DIP2C: variants seen among roughly 807,000 people sequenced by gnomAD.
DIP2C encodes the protein DIP2 acetate--CoA ligase C (putative), also known as disco-interacting protein 2 homolog C.
A neutral mutation model predicts 192.4 loss-of-function variants in DIP2C; 33 were observed. The ratio of observed to expected loss-of-function variants is 0.17; its 90% CI spans 0.13 to 0.23. The LOEUF (loss-of-function observed/expected upper bound fraction) is 0.23. DIP2C is among the 10% of genes least tolerant of loss of function. The pLI, the probability that DIP2C is intolerant of heterozygous loss-of-function variation, is 1.00. For synonymous variants in DIP2C, 979 were observed against 864.1 expected, an observed-to-expected ratio of 1.13 and a Z score of -2.33; for missense variants, 1,537 against 2,110.1, an observed-to-expected ratio of 0.73 and a Z score of 5.32.
At chr10:335,275 C>A (rs1240118052) in intron 29 of DIP2C, among the ~76,000 whole-genome samples, 4 of 152,296 alleles carry the variant, frequency 2.6e-5, no homozygotes, top group African/African-American at 9.6e-5. Context: ...TAAAATAATT[C>A]TCTCTCCTTG....
intron 1 of DIP2C, among the ~76,000 whole-genome samples, chr10:634,441 T>TA (rs1854713202): frequency 6.6e-6 from 1 of 152,238 alleles, no homozygotes; most frequent in Admixed American, 6.5e-5. Flanking sequence ...TTCAGGTTGC[T>TA]ATGCTTCCCT....
At chr10:653,407 C>G (rs1856077234) in intron 1 of DIP2C, among the ~76,000 whole-genome samples, 2 of 152,264 alleles carry the variant, frequency 1.3e-5, no homozygotes, top group African/African-American at 4.8e-5. Flanking sequence ...GAGATCACAC[C>G]ACTGCACTCC....
chr10:654,091 G>A (rs144463305), intron 1 of DIP2C, among the ~76,000 whole-genome samples: 92 of 152,314 alleles, frequency 6.0e-4, no homozygotes, highest in East Asian at 2.9e-3. Context: ...GCAGATGCAC[G>A]CACAGGCAGT....
intron 1 of DIP2C, among the ~76,000 whole-genome samples, chr10:573,747 C>G (rs768266701): frequency 1.3e-5 from 2 of 151,904 alleles, no homozygotes; most frequent in Admixed American, 1.3e-4. Flanking sequence ...TTATGTGCTT[C>G]AGAGTCTTGT....
chr10:318,825 G>A (rs1198661931), intron 31 of DIP2C, among the ~76,000 whole-genome samples: 1 of 152,040 alleles, frequency 6.6e-6, no homozygotes, highest in Non-Finnish European at 1.5e-5. Context: ...GAAACTGAGA[G>A]CTCAAGTTAA....
At chr10:469,280 A>ATC (rs966594532) in intron 3 of DIP2C, among the ~76,000 whole-genome samples, 2 of 148,846 alleles carry the variant, frequency 1.3e-5, no homozygotes, top group African/African-American at 5.0e-5. Flanking sequence ...TATTGCTATT[A>ATC]TCTTTTGAGC....
rs922604069 is a variant in DIP2C, at chr10:568,799, C to CAAA, written c.86-82270_86-82269insTTT. ...AAAAAAAAAAAAAAAAAAAAAAAAA[C>CAAA]CTTCACTTGATCTGCAAGATGGCTG... On this transcript the variant is annotated intron_variant, in intron 1 of 36. Transcript: ENST00000280886. Among the ~76,000 whole-genome samples, 28 of 98,826 alleles carry CAAA rather than the reference C, an allele frequency of 2.8e-4. 1 individual carries two copies. Among genetic ancestry groups the CAAA allele is most frequent in the African/African-American group, 1.3e-3 (26 of 20,586 alleles). 64.8% of individuals were successfully genotyped at this position (98,826 alleles called of 152,430 possible).
chr10:287,704 G>A (rs1340461269), intron 33 of DIP2C, among the ~76,000 whole-genome samples: 2 of 148,358 alleles, frequency 1.3e-5, no homozygotes, highest in Admixed American at 6.7e-5. Context: ...TTATTTAGGT[G>A]TTTAAATATC....
intron 10 of DIP2C, among the ~76,000 whole-genome samples, chr10:395,562 ACT>A (rs1021249744): frequency 4.6e-5 from 7 of 152,182 alleles, no homozygotes; most frequent in African/African-American, 1.7e-4. Flanking sequence ...TCCCATGACC[ACT>A]GGTTGGCACA....
intron 1 of DIP2C, among the ~76,000 whole-genome samples, chr10:572,251 C>T (rs192492992): frequency 1.9e-4 from 29 of 152,360 alleles, no homozygotes; most frequent in Admixed American, 1.9e-3. Context: ...GCTTTGCTAA[C>T]ACGCCCCAAA....
chr10:423,794 C>G (rs1966381038), intron 4 of DIP2C, among the ~76,000 whole-genome samples: 1 of 152,126 alleles, frequency 6.6e-6, no homozygotes, highest in Non-Finnish European at 1.5e-5. Flanking sequence ...GGAGAGAAAG[C>G]AGAACGTGCC....
chr10:683,917 T>A, intron 1 of DIP2C, among the ~76,000 whole-genome samples: 1 of 152,188 alleles, frequency 6.6e-6, no homozygotes, highest in South Asian at 2.1e-4. Context: ...GCTTGTAGCC[T>A]CGGAACCATA....
chr10:386,933 G>A (rs574462592), intron 14 of DIP2C, among the ~76,000 whole-genome samples: 4 of 152,238 alleles, frequency 2.6e-5, no homozygotes, highest in South Asian at 2.1e-4. Flanking sequence ...ACTTCCCCAC[G>A]AAAAGTGCCC....
intron 5 of DIP2C, among the ~76,000 whole-genome samples, chr10:421,445 C>T (rs1173482884): frequency 1.3e-5 from 2 of 152,152 alleles, no homozygotes; most frequent in African/African-American, 2.4e-5. Flanking sequence ...TTGGCCTCCC[C>T]GTTCAGGTGC....
intron 31 of DIP2C, among the ~76,000 whole-genome samples, chr10:325,994 G>A (rs769045034): frequency 3.8e-4 from 58 of 152,154 alleles, no homozygotes; most frequent in East Asian, 7.8e-4. Flanking sequence ...CAGCCTGGGC[G>A]ACATGGTGAA....
At chr10:319,403 C>T (rs1956909503) in intron 31 of DIP2C, among the ~76,000 whole-genome samples, 1 of 152,176 alleles carries the variant, frequency 6.6e-6, no homozygotes, top group Non-Finnish European at 1.5e-5. Flanking sequence ...ATCCAAGTTT[C>T]TGTTTATGTT....
chr10:527,145 C>T (rs1847100749), intron 1 of DIP2C, among the ~76,000 whole-genome samples: 1 of 152,236 alleles, frequency 6.6e-6, no homozygotes, highest in Admixed American at 6.5e-5. Context: ...ACAGCCTTCA[C>T]CCGGTTCATA....
intron 3 of DIP2C, among the ~76,000 whole-genome samples, chr10:446,858 A>G (rs1444456856): frequency 6.6e-6 from 1 of 152,170 alleles, no homozygotes; most frequent in Non-Finnish European, 1.5e-5. Context: ...TTTTTTGTCA[A>G]TGTAGTGAAT....
intron 3 of DIP2C, among the ~76,000 whole-genome samples, chr10:459,638 C>G (rs7093855): frequency 0.86 from 129,269 of 150,976 alleles, 57,665 homozygotes; most frequent in Non-Finnish European, 0.97. Context: ...TGTCCTTCAT[C>G]TGGGCTCTAG....
Sources: gnomAD v4.1 joint callset for allele counts (sites outside exome capture counted in the v4.1 genomes callset) on GRCh38, gnomAD v4.1.1 for gene constraint, MANE v1.5 for transcripts, NCBI Gene and HGNC (gene_info 2026-07-23, HGNC 2026-07-21) for gene names.